KYAT1: variants seen among roughly 807,000 people sequenced by gnomAD.
KYAT1 encodes kynurenine aminotransferase 1.
Under a neutral mutation model 52.4 loss-of-function variants are expected in KYAT1, and 47 were observed. That is an observed-to-expected ratio of 0.90 (90% CI 0.71 to 1.14). The LOEUF (loss-of-function observed/expected upper bound fraction) is 1.14, where lower values mean the gene tolerates loss of function less well. Ranked by LOEUF, KYAT1 falls within the 50% of genes most tolerant of loss-of-function variation. The pLI, the probability that KYAT1 is intolerant of heterozygous loss-of-function variation, is 0.00. For missense variants in KYAT1, 480 were observed against 557.9 expected (o/e 0.86, Z 1.41); for synonymous variants, 212 against 209.6 (o/e 1.01, Z -0.10).
At chr9:128,880,386 T>C (rs936587999) in intron 1 of KYAT1, among the ~76,000 whole-genome samples, 2 of 151,846 alleles carry the variant, frequency 1.3e-5, no homozygotes, top group Non-Finnish European at 2.9e-5. Flanking sequence ...AGCTAGATCA[T>C]GGGCATTAGT....
chr9:128,852,167 C>T (rs1834036191), intron 1 of KYAT1, among the ~76,000 whole-genome samples: 1 of 152,136 alleles, frequency 6.6e-6, no homozygotes, highest in Admixed American at 6.5e-5. Flanking sequence ...TAGAATTCTC[C>T]TGTGTTTGTA....
intron 1 of KYAT1, among the ~76,000 whole-genome samples, chr9:128,846,465 G>A (rs996956278): frequency 6.6e-6 from 1 of 151,730 alleles, no homozygotes; most frequent in Non-Finnish European, 1.5e-5. Flanking sequence ...TGGGCGTCAT[G>A]ACACATGCCT....
chr9:128,847,332 T>C, intron 1 of KYAT1: 1 of 746,636 alleles, frequency 1.3e-6, no homozygotes. Context: ...GAGGGCTCCC[T>C]GAAAGAGAAG....
At chr9:128,853,743 G>A (rs1834243519) in intron 1 of KYAT1, among the ~76,000 whole-genome samples, 1 of 152,190 alleles carries the variant, frequency 6.6e-6, no homozygotes, top group Admixed American at 6.6e-5. Context: ...TCATGTAAAT[G>A]CATCAGGACT....
intron 1 of KYAT1, among the ~76,000 whole-genome samples, chr9:128,858,993 C>CA (rs61541653): frequency 0.14 from 10,175 of 75,184 alleles, 636 homozygotes; most frequent in African/African-American, 0.27. Context: ...GACTCCATCT[C>CA]AAAAAAAAAA....
chr9:128,867,950 T>C (rs1449271233), intron 1 of KYAT1, among the ~76,000 whole-genome samples: 2 of 152,066 alleles, frequency 1.3e-5, no homozygotes, highest in African/African-American at 4.8e-5. Flanking sequence ...TTTTTTTGTA[T>C]TTTTAGTAGA....
intron 1 of KYAT1, among the ~76,000 whole-genome samples, chr9:128,857,793 G>A (rs773310607): frequency 2.6e-5 from 4 of 152,254 alleles, no homozygotes; most frequent in South Asian, 2.1e-4. Context: ...CAGAGATCAC[G>A]CCACTGCACT....
chr9:128,868,703 ATTTTTT>A (rs1202846765), intron 1 of KYAT1, among the ~76,000 whole-genome samples: 1 of 131,984 alleles, frequency 7.6e-6, no homozygotes, highest in African/African-American at 2.8e-5. Context: ...TGCCTGGCTA[ATTTTTT>A]TTTTTTTTTT....
At chr9:128,882,238 G>C (rs951169612), upstream of KYAT1, 1 of 152,894 alleles carries the variant, frequency 6.5e-6, no homozygotes, top group African/African-American at 2.4e-5. Flanking sequence ...GCGGCCGGGC[G>C]CGGCGAGCCC....
intron 1 of KYAT1, among the ~76,000 whole-genome samples, chr9:128,851,067 T>C (rs1046858616): frequency 6.6e-6 from 1 of 152,212 alleles, no homozygotes; most frequent in Admixed American, 6.5e-5. Flanking sequence ...CAATAAAAAG[T>C]GAGGAAACTC....
At chr9:128,865,365 T>TTTTTATTTTTTTTTA (rs1836219831) in intron 1 of KYAT1, among the ~76,000 whole-genome samples, 1 of 73,916 alleles carries the variant, frequency 1.4e-5, no homozygotes, top group African/African-American at 1.1e-4. Flanking sequence ...ATATATTTTT[T>TTTTTATTTTTTTTTA]TTTTTTTTTT....
intron 1 of KYAT1, among the ~76,000 whole-genome samples, chr9:128,876,151 G>T (rs1837997985): frequency 6.6e-6 from 1 of 151,732 alleles, no homozygotes; most frequent in Non-Finnish European, 1.5e-5. Flanking sequence ...TGTCACCTAG[G>T]AGCCTTGAAC....
intron 1 of KYAT1, among the ~76,000 whole-genome samples, chr9:128,879,216 A>G (rs1838457975): frequency 6.6e-6 from 1 of 152,156 alleles, no homozygotes; most frequent in South Asian, 2.1e-4. Context: ...AGGCTGAGGC[A>G]GGAGAATGGA....
chr9:128,865,726 C>T (rs1470593019), intron 1 of KYAT1, among the ~76,000 whole-genome samples: 1 of 152,044 alleles, frequency 6.6e-6, no homozygotes, highest in Non-Finnish European at 1.5e-5. Flanking sequence ...AGCACAGATG[C>T]ATGGATGCTC....
chr9:128,845,384 G>C lies in KYAT1; in HGVS notation c.22C>G (p.Arg8Gly), dbSNP rs374871630. 6 of 1,613,790 alleles carry C rather than the reference G, an allele frequency of 3.7e-6. No homozygotes were observed. The highest frequency in any genetic ancestry group is 4.5e-5 in the East Asian group (2 of 44,866). ...TTGTAGTCGATCCCGTCTAGCCTTC[G>C]GGCCTGCAGCTGTTTGGCCATGGCG... MAKQLQA[R>G]RLDGIDYNPW... is the part of the protein sequence containing the mutation. Residue 8 changes from arginine (R) to glycine (G), a missense_variant, in exon 2 of 13, where the codon CGA becomes GGA. Coordinates refer to ENST00000302586, the MANE Select transcript of KYAT1 (RefSeq NM_004059.5).
chr9:128,873,940 C>T (rs1226285561), intron 1 of KYAT1, among the ~76,000 whole-genome samples: 1 of 64,632 alleles, frequency 1.5e-5, no homozygotes, highest in Non-Finnish European at 3.2e-5. Context: ...AGCAAATCTC[C>T]GTCTCAAAAA....
intron 1 of KYAT1, among the ~76,000 whole-genome samples, chr9:128,862,145 C>T (rs1409500769): frequency 4.6e-5 from 7 of 152,178 alleles, no homozygotes; most frequent in Admixed American, 4.6e-4. Context: ...GTCATGTCTT[C>T]ATCATCTCAA....
At chr9:128,836,650 GTGAC>G (rs1197133760) in intron 7 of KYAT1, 148 bp downstream of exon 7, 4 of 847,556 alleles carry the variant, frequency 4.7e-6, no homozygotes, top group Non-Finnish European at 7.2e-6. Flanking sequence ...AGGTGCTACT[GTGAC>G]ACTGTGTACT....
At chr9:128,871,273 G>A (rs761394382) in intron 1 of KYAT1, among the ~76,000 whole-genome samples, 3 of 151,942 alleles carry the variant, frequency 2.0e-5, no homozygotes, top group Non-Finnish European at 4.4e-5. Context: ...AGCCAAGATT[G>A]TGCCACTGTA....
Sources: gnomAD v4.1 joint callset for allele counts (sites outside exome capture counted in the v4.1 genomes callset) on GRCh38, gnomAD v4.1.1 for gene constraint, MANE v1.5 for transcripts, NCBI Gene and HGNC (gene_info 2026-07-23, HGNC 2026-07-21) for gene names.